ANXA4: variants seen among roughly 807,000 people sequenced by gnomAD.
ANXA4 encodes the protein 35-beta calcimedin.
ANXA4 carries 39 observed loss-of-function variants against 49.8 expected under a neutral mutation model. The ratio of observed to expected loss-of-function variants is 0.78; its 90% CI spans 0.61 to 1.02. The LOEUF (loss-of-function observed/expected upper bound fraction) is 1.02. Ranked by LOEUF, ANXA4 falls within the 50% of genes least tolerant of loss-of-function variation. ANXA4 has a pLI of 0.00. For synonymous variants in ANXA4, 134 were observed against 152.5 expected (o/e 0.88, Z 0.89); for missense variants, 360 against 410.1 (o/e 0.88, Z 1.05).
intron 6 of ANXA4, chr2:69,808,992 T>A (rs2103833200): frequency 6.6e-6 from 1 of 152,146 alleles, no homozygotes; most frequent in African/African-American, 2.4e-5. Flanking sequence ...TATTAAATGG[T>A]TTGGTATATG....
rs574272106 is a variant in ANXA4 at position 69,742,716 on chromosome 2, GCA to G, written c.-47+542_-47+543del. 3.2e-3 allele frequency among the ~76,000 whole-genome samples: 491 copies of G among 152,232 alleles called. 1 individual carries two copies. Among genetic ancestry groups the G allele is most frequent in the Non-Finnish European group, 5.5e-3 (375 of 68,018 alleles). ...TCCATGACTTGAGTTGGCTGGTGGC[GCA>G]GTCTCAGCATTTTGTCATGACTTTG... is the stretch of plus-strand genomic sequence containing the variant. On this transcript the variant is annotated intron_variant, in intron 1 of 12. Transcript: ENST00000394295.
intron 2 of ANXA4, among the ~76,000 whole-genome samples, chr2:69,669,264 TCAAA>T (rs1677064863): frequency 1.3e-5 from 2 of 151,640 alleles, no homozygotes; most frequent in Admixed American, 6.6e-5. Context: ...CCCATTTTTG[TCAAA>T]CAATTTATTA....
upstream of ANXA4, chr2:69,643,957 T>G: frequency 9.6e-7 from 1 of 1,037,568 alleles, no homozygotes; most frequent in East Asian, 5.2e-5. Flanking sequence ...AAAAGACTGT[T>G]GATATCACCC....
intron 4 of ANXA4, among the ~76,000 whole-genome samples, chr2:69,805,890 A>G (rs373800283): frequency 4.6e-5 from 7 of 152,340 alleles, no homozygotes; most frequent in African/African-American, 1.7e-4. Flanking sequence ...AGTAAAAATA[A>G]TAAGTATATT....
At chr2:69,735,628 G>A (rs1371496043) in intron 3 of ANXA4, among the ~76,000 whole-genome samples, 1 of 151,620 alleles carries the variant, frequency 6.6e-6, no homozygotes, top group Non-Finnish European at 1.5e-5. Context: ...TCCCCTATTT[G>A]CATGTCTTGG....
chr2:69,790,275 G>A (rs932924316), intron 3 of ANXA4, among the ~76,000 whole-genome samples: 2 of 151,964 alleles, frequency 1.3e-5, no homozygotes, highest in Non-Finnish European at 2.9e-5. Context: ...TGCTGCTAGG[G>A]GAAACTGGGT....
At chr2:69,760,265 G>A (rs1438388010) in intron 1 of ANXA4, among the ~76,000 whole-genome samples, 1 of 152,158 alleles carries the variant, frequency 6.6e-6, no homozygotes, top group Non-Finnish European at 1.5e-5. Flanking sequence ...AAACAGTAGT[G>A]AAAAGAGTGA....
At chr2:69,701,019 C>A (rs1048301390) in intron 2 of ANXA4, among the ~76,000 whole-genome samples, 1 of 151,980 alleles carries the variant, frequency 6.6e-6, no homozygotes, top group Non-Finnish European at 1.5e-5. Context: ...ATTACAGGCA[C>A]CCGCCACCAC....
intron 8 of ANXA4, among the ~76,000 whole-genome samples, chr2:69,814,105 T>G (rs1189209113): frequency 6.6e-6 from 1 of 151,822 alleles, no homozygotes; most frequent in Non-Finnish European, 1.5e-5. Flanking sequence ...GAGGGATTGG[T>G]TCCATTCAGT....
At position 69,662,992 on chromosome 2, in the gene ANXA4, C is replaced by CTTT. The variant is rs746269236; in HGVS notation, n.766+9726_766+9728dup. 1.9e-3 allele frequency among the ~76,000 whole-genome samples: 237 copies of CTTT among 123,186 alleles called. 2 individuals carry two copies. The highest frequency in any genetic ancestry group is 0.012 in the East Asian group (47 of 4,054). The allele number at this position is 123,186 out of a possible 152,430, so 80.8% of individuals were successfully genotyped here. A position where few individuals can be genotyped will look rare whatever the true frequency, so the allele number is the denominator to read the frequency against. On this transcript the variant is annotated intron_variant and non_coding_transcript_variant, in intron 2 of 3. Coordinates refer to the ANXA4 transcript ENST00000418066. ...ACCAGATGTCCTGGTTTTTCTTTTT[C>CTTT]TTTTTTTTTTTTTTTTTTGAGATGG...
chr2:69,647,723 AT>A (rs11296457), intron 1 of ANXA4, among the ~76,000 whole-genome samples: 34,246 of 151,830 alleles, frequency 0.23, 4,201 homozygotes, highest in South Asian at 0.29. Context: ...TTTAAAAAAA[AT>A]AATTATATAA....
At position 69,825,465 on chromosome 2, in the gene ANXA4, T is replaced by C. The variant is rs1444131883; in HGVS notation, c.916T>C (p.Ser306Pro). Residue 306 changes from serine to proline, a missense_variant, in exon 13 of 13, where the codon TCT (serine) becomes CCT (proline). Ser to Pro is a moderately conservative substitution (Grantham distance 74). Transcript: ENST00000394295. ...CTTCCCTATCGAACAGGGTGACACATCTGGAGACTACAGGAAAGTACTGCT... is the reference window on the plus strand; with the variant it reads ...CTTCCCTATCGAACAGGGTGACACACCTGGAGACTACAGGAAAGTACTGCT... Reference protein sequence around the residue: ...SLYSFIKGDTSGDYRKVLLVL... With the variant: ...SLYSFIKGDTPGDYRKVLLVL... 6.2e-7 allele frequency: 1 copy of C among 1,609,312 alleles called. No homozygotes were observed. Among genetic ancestry groups the C allele is most frequent in the South Asian group, 1.1e-5 (1 of 90,220 alleles).
intron 3 of ANXA4, among the ~76,000 whole-genome samples, chr2:69,731,997 T>TG (rs1383502449): frequency 6.7e-6 from 1 of 149,514 alleles, no homozygotes; most frequent in Non-Finnish European, 1.5e-5. Context: ...TTTTTTTTTT[T>TG]TGAGATGGAG....
chr2:69,651,234 G>T (rs1444201339), intron 1 of ANXA4, among the ~76,000 whole-genome samples: 1 of 152,148 alleles, frequency 6.6e-6, no homozygotes. Context: ...AGCCAGGCAT[G>T]GTTCCATGTG....
chr2:69,739,421 G>A (rs1401084638), upstream of ANXA4, among the ~76,000 whole-genome samples: 1 of 151,742 alleles, frequency 6.6e-6, no homozygotes, highest in Non-Finnish European at 1.5e-5. Flanking sequence ...TTTTTAGGGG[G>A]GTGGGGTGGG....
intron 1 of ANXA4, among the ~76,000 whole-genome samples, chr2:69,770,465 G>A (rs924651692): frequency 2.6e-5 from 4 of 152,290 alleles, no homozygotes; most frequent in East Asian, 3.9e-4. Flanking sequence ...ATCTTCCAGC[G>A]AAGGGAAGGA....
intron 2 of ANXA4, among the ~76,000 whole-genome samples, chr2:69,675,919 A>G (rs1677395433): frequency 6.6e-6 from 1 of 151,718 alleles, no homozygotes; most frequent in Admixed American, 6.6e-5. Context: ...AGGCAGGAGA[A>G]TGGTGTGAAC....
chr2:69,816,283 C>T, intron 9 of ANXA4, 89 bp downstream of exon 9: 1 of 1,055,126 alleles, frequency 9.5e-7, no homozygotes, highest in Non-Finnish European at 1.4e-6. Context: ...CTTCCTCCTT[C>T]AGTTGGTACA....
intron 1 of ANXA4, among the ~76,000 whole-genome samples, chr2:69,650,959 A>G (rs1019772945): frequency 6.6e-6 from 1 of 152,234 alleles, no homozygotes; most frequent in African/African-American, 2.4e-5. Flanking sequence ...AATCTGTTAT[A>G]TACCAAAACA....
Sources: allele counts gnomAD v4.1 joint callset (sites outside exome capture counted in the v4.1 genomes callset), GRCh38; gene constraint gnomAD v4.1.1; transcripts MANE v1.5; gene names NCBI Gene and HGNC (gene_info 2026-07-23, HGNC 2026-07-21).